CCDC102B: variants seen among roughly 807,000 people sequenced by gnomAD.
CCDC102B encodes coiled-coil domain-containing protein 102B.
CCDC102B carries 75 observed loss-of-function variants against 57.4 expected under a neutral mutation model. The ratio of observed to expected loss-of-function variants is 1.31; its 90% CI spans 1.08 to 1.58. CCDC102B has a LOEUF of 1.58. CCDC102B is among the 40% of genes most tolerant of loss of function. The pLI is 0.00. For synonymous variants in CCDC102B, 206 were observed against 201.9 expected, an observed-to-expected ratio of 1.02 and a Z score of -0.17; for missense variants, 636 against 582.6, an observed-to-expected ratio of 1.09 and a Z score of -0.94.
At chr18:68,817,691 C>T (rs1211115272) in intron 1 of CCDC102B, among the ~76,000 whole-genome samples, 1 of 152,122 alleles carries the variant, frequency 6.6e-6, no homozygotes, top group Non-Finnish European at 1.5e-5. Flanking sequence ...AGCAAATGTT[C>T]TTAGTCATGT....
chr18:68,921,145 TC>T (rs2041264282), intron 6 of CCDC102B, among the ~76,000 whole-genome samples: 1 of 152,188 alleles, frequency 6.6e-6, no homozygotes, highest in Admixed American at 6.5e-5. Flanking sequence ...GTTTAAGGCC[TC>T]TTCCAATATT....
At chr18:68,914,564 T>C (rs999234400) in intron 6 of CCDC102B, among the ~76,000 whole-genome samples, 1 of 152,210 alleles carries the variant, frequency 6.6e-6, no homozygotes, top group African/African-American at 2.4e-5. Context: ...TCACCTTATA[T>C]GTGCTTGTTT....
chr18:69,037,011 G>A (rs62096601), intron 7 of CCDC102B, among the ~76,000 whole-genome samples: 1 of 64,984 alleles, frequency 1.5e-5, no homozygotes, highest in Non-Finnish European at 3.3e-5. Flanking sequence ...GTATATATAT[G>A]TGTGGGGGTG....
chr18:68,820,494 A>G (rs112848842), intron 1 of CCDC102B, among the ~76,000 whole-genome samples: 1,859 of 152,198 alleles, frequency 0.012, 38 homozygotes, highest in African/African-American at 0.042. Flanking sequence ...GAGATTTGCC[A>G]TTAAGTCCTG....
intron 7 of CCDC102B, among the ~76,000 whole-genome samples, chr18:69,046,900 A>G (rs1013665299): frequency 8.6e-5 from 13 of 152,008 alleles, no homozygotes; most frequent in African/African-American, 3.1e-4. Context: ...AACATCAGAT[A>G]GTTATATGCA....
chr18:68,860,800 C>T (rs1363835553), intron 4 of CCDC102B, among the ~76,000 whole-genome samples: 3 of 132,752 alleles, frequency 2.3e-5, no homozygotes, highest in Non-Finnish European at 3.3e-5. Context: ...ACACTATATA[C>T]TTTATTGATT....
intron 7 of CCDC102B, among the ~76,000 whole-genome samples, chr18:69,033,636 G>C (rs1416909266): frequency 1.3e-5 from 2 of 151,758 alleles, no homozygotes; most frequent in African/African-American, 4.8e-5. Context: ...TCTTTGTATG[G>C]TTCATTCATC....
intron 1 of CCDC102B, among the ~76,000 whole-genome samples, chr18:68,810,960 G>A (rs184229333): frequency 2.7e-4 from 41 of 152,054 alleles, no homozygotes; most frequent in African/African-American, 8.0e-4. Flanking sequence ...TTGGTTTTCT[G>A]TTCCTGTGTT....
chr18:68,968,395 G>C (rs1010801149), intron 6 of CCDC102B, among the ~76,000 whole-genome samples: 3 of 152,104 alleles, frequency 2.0e-5, no homozygotes, highest in Non-Finnish European at 4.4e-5. Context: ...ATAACTGCAG[G>C]TGTAAGAAAC....
At chr18:69,056,257 T>G (rs929417596), downstream of CCDC102B, among the ~76,000 whole-genome samples, 12 of 152,064 alleles carry the variant, frequency 7.9e-5, no homozygotes, top group African/African-American at 2.9e-4. Context: ...TGATTTTCCT[T>G]CAAAATATTG....
chr18:69,018,233 C>T (rs1034514555), intron 7 of CCDC102B, among the ~76,000 whole-genome samples: 2 of 152,176 alleles, frequency 1.3e-5, no homozygotes, highest in African/African-American at 2.4e-5. Context: ...TGCGTATATA[C>T]ACAACGTGTG....
At chr18:69,010,890 CAGAAT>C in intron 6 of CCDC102B, 39 bp from the exon 7 acceptor site, 1 of 1,373,706 alleles carries the variant, frequency 7.3e-7, no homozygotes, top group South Asian at 1.7e-5. Context: ...CTGATTTTAT[CAGAAT>C]AGACTATAAA....
At chr18:68,971,342 A>G (rs545864552) in intron 6 of CCDC102B, among the ~76,000 whole-genome samples, 1 of 152,180 alleles carries the variant, frequency 6.6e-6, no homozygotes, top group South Asian at 2.1e-4. Context: ...TACTTTTTAC[A>G]ATTTCCCTCT....
At chr18:68,893,983 C>G (rs117943494) in intron 5 of CCDC102B, among the ~76,000 whole-genome samples, 1,788 of 152,154 alleles carry the variant, frequency 0.012, 37 homozygotes, top group East Asian at 0.08. Context: ...TTGGTACACT[C>G]TGGGTCTGGC....
chr18:69,036,847 C>G (rs1396501947), intron 7 of CCDC102B, among the ~76,000 whole-genome samples: 3 of 152,012 alleles, frequency 2.0e-5, no homozygotes, highest in Non-Finnish European at 4.4e-5. Flanking sequence ...AGACGATAAA[C>G]TGAATCATTC....
chr18:68,969,230 A>G (rs2050237337), intron 6 of CCDC102B, among the ~76,000 whole-genome samples: 1 of 151,956 alleles, frequency 6.6e-6, no homozygotes, highest in African/African-American at 2.4e-5. Context: ...CCTCATCCTC[A>G]TTTCTTAGAA....
intron 4 of CCDC102B, among the ~76,000 whole-genome samples, chr18:68,872,904 A>G (rs2039292832): frequency 6.6e-6 from 1 of 152,088 alleles, no homozygotes. Context: ...GTTTATAAAA[A>G]CTTGCTTTCC....
At chr18:68,986,118 C>T (rs1041038943) in intron 6 of CCDC102B, among the ~76,000 whole-genome samples, 10 of 152,074 alleles carry the variant, frequency 6.6e-5, no homozygotes, top group African/African-American at 2.2e-4. Flanking sequence ...TAACTATTCC[C>T]AAAAATCAAG....
At chr18:68,811,786 C>T (rs1251148231) in intron 1 of CCDC102B, among the ~76,000 whole-genome samples, 2 of 152,032 alleles carry the variant, frequency 1.3e-5, no homozygotes, top group Non-Finnish European at 2.9e-5. Flanking sequence ...GGTGAGGATC[C>T]TGAGGTCACG....
Sources: allele counts gnomAD v4.1 joint callset (sites outside exome capture counted in the v4.1 genomes callset), GRCh38; gene constraint gnomAD v4.1.1; transcripts MANE v1.5; gene names NCBI Gene and HGNC (gene_info 2026-07-23, HGNC 2026-07-21).